The following SRGAP1 variants were observed in gnomAD, a reference collection of about 807,000 sequenced individuals.
SRGAP1 encodes SLIT-ROBO Rho GTPase activating protein 1.
Under a neutral mutation model 121.9 loss-of-function variants are expected in SRGAP1, and 43 were observed. The observed-to-expected ratio is 0.35, with a 90% CI of 0.28 to 0.46. The LOEUF (loss-of-function observed/expected upper bound fraction) is 0.46, where lower values mean the gene tolerates loss of function less well. Among genes scored for constraint, SRGAP1 ranks in the 20% least tolerant of loss-of-function variants. The probability of loss-of-function intolerance (pLI) is 1.00; values close to 1 mark genes in which losing one functional copy is unlikely to be tolerated. For missense variants in SRGAP1, 1,102 were observed against 1,350.9 expected, an observed-to-expected ratio of 0.82 and a Z score of 2.89; for synonymous variants, 447 against 485.4, an observed-to-expected ratio of 0.92 and a Z score of 1.04.
intron 4 of SRGAP1, among the ~76,000 whole-genome samples, chr12:64,036,431 AT>A (rs1487006187): frequency 6.6e-6 from 1 of 152,160 alleles, no homozygotes; most frequent in African/African-American, 2.4e-5. Flanking sequence ...TTATGTATTG[AT>A]TGTAGAAAAT....
chr12:63,884,133 A>C (rs888474879), intron 1 of SRGAP1, among the ~76,000 whole-genome samples: 6 of 151,668 alleles, frequency 4.0e-5, no homozygotes, highest in Non-Finnish European at 7.4e-5. Flanking sequence ...AAATACAAAA[A>C]TTAGCTGGGT....
At chr12:63,890,854 A>T (rs1900555661) in intron 1 of SRGAP1, among the ~76,000 whole-genome samples, 1 of 152,024 alleles carries the variant, frequency 6.6e-6, no homozygotes, top group Non-Finnish European at 1.5e-5. Flanking sequence ...AAATGCCCCC[A>T]TCTCTTGACC....
In SRGAP1 at chr12:64,043,674, T is replaced by C. The variant is rs553634311; in HGVS notation, c.801+99T>C. 1.9e-5 allele frequency: 17 copies of C among 897,652 alleles called. 1 individual carries two copies. The South Asian group carries it at 3.3e-4, about 17-fold the overall frequency. 55.6% of individuals were successfully genotyped at this position (897,652 alleles called of 1,614,324 possible). On this transcript the variant is annotated intron_variant, in intron 6 of 21. Transcript: ENST00000355086. ...ATACTGTCATTTCTTAAGACTGTTA[T>C]TTTACGTAATACTCAAAAAGAAAAA...
chr12:63,910,183 T>C (rs989386890), intron 1 of SRGAP1, among the ~76,000 whole-genome samples: 3 of 152,242 alleles, frequency 2.0e-5, no homozygotes, highest in African/African-American at 7.2e-5. Flanking sequence ...TACAAATGCT[T>C]GCTTGAATGA....
intron 18 of SRGAP1, among the ~76,000 whole-genome samples, chr12:64,119,770 CTT>C (rs997729181): frequency 2.8e-5 from 3 of 107,446 alleles, no homozygotes; most frequent in Admixed American, 9.4e-5. Context: ...TTATTTGTTT[CTT>C]TTTTTTTTTT....
intron 1 of SRGAP1, among the ~76,000 whole-genome samples, chr12:63,856,026 G>C (rs990865332): frequency 1.3e-5 from 2 of 152,028 alleles, no homozygotes; most frequent in Non-Finnish European, 2.9e-5. Context: ...GGGAAGCTGA[G>C]GCAGGTGGAT....
chr12:64,138,250 G>C (rs80200633), intron 21 of SRGAP1, among the ~76,000 whole-genome samples: 3,491 of 151,814 alleles, frequency 0.023, 126 homozygotes, highest in African/African-American at 0.08. Flanking sequence ...ATTTCATTTA[G>C]TGTAATGTCC....
chr12:64,039,532 C>T (rs543217230), intron 4 of SRGAP1, among the ~76,000 whole-genome samples: 5 of 152,074 alleles, frequency 3.3e-5, no homozygotes, highest in East Asian at 1.9e-4. Context: ...CTCAGATACT[C>T]GGGGTGGCCT....
At chr12:63,852,435 C>CT (rs1332787415) in intron 1 of SRGAP1, among the ~76,000 whole-genome samples, 70 of 152,218 alleles carry the variant, frequency 4.6e-4, no homozygotes, top group African/African-American at 1.6e-3. Context: ...GTGCCATGTG[C>CT]TTTTAGAGTG....
chr12:64,028,845 A>G (rs2034710742), intron 4 of SRGAP1, among the ~76,000 whole-genome samples: 2 of 152,218 alleles, frequency 1.3e-5, no homozygotes, highest in Admixed American at 6.5e-5. Context: ...CGTTCAGACC[A>G]TAGCAGATGT....
chr12:64,080,752 G>A (rs1231952663), intron 10 of SRGAP1: 2 of 273,642 alleles, frequency 7.3e-6, no homozygotes, highest in Non-Finnish European at 1.4e-5. Context: ...CCCCACCCCT[G>A]TTTGTTTTAA....
rs1362386033 is a variant in SRGAP1, at chr12:64,147,539, C to T, written c.*4867C>T. On this transcript the variant is annotated 3_prime_UTR_variant, in exon 22 of 22. Transcript: ENST00000355086. ...TGTAGACGTGATTGTGCCTTTCTCA[C>T]CCCTGTGTCCTCCCATCCCACCGCA... 19 of 398,888 alleles carry T rather than the reference C, an allele frequency of 4.8e-5. No individual in the cohort carries two copies. In the East Asian group the frequency reaches 6.8e-4, roughly 14 times the overall value. The allele number at this position is 398,888 out of a possible 1,614,324, so 24.7% of individuals were successfully genotyped here.
At chr12:63,916,661 A>G (rs922010115) in intron 1 of SRGAP1, among the ~76,000 whole-genome samples, 1 of 151,314 alleles carries the variant, frequency 6.6e-6, no homozygotes, top group Non-Finnish European at 1.5e-5. Context: ...GACGGGGAAC[A>G]TTTGAATCAG....
At chr12:64,119,418 A>G (rs1021088747) in intron 18 of SRGAP1, among the ~76,000 whole-genome samples, 5 of 152,200 alleles carry the variant, frequency 3.3e-5, no homozygotes, top group African/African-American at 1.2e-4. Flanking sequence ...CTAAAGCCCA[A>G]CTGGAGTTTT....
intron 1 of SRGAP1, among the ~76,000 whole-genome samples, chr12:63,876,908 T>TA (rs560837664): frequency 1.7e-3 from 266 of 152,302 alleles, no homozygotes; most frequent in South Asian, 2.9e-3. Flanking sequence ...CTTCTCCTCT[T>TA]AAAGCTGCAA....
chr12:64,036,879 A>T (rs1336622575), intron 4 of SRGAP1, among the ~76,000 whole-genome samples: 1 of 152,204 alleles, frequency 6.6e-6, no homozygotes, highest in African/African-American at 2.4e-5. Context: ...AGACAGTTTT[A>T]AGAATCTGAA....
Position 64,144,724 on chromosome 12 carries a change from A to G in SRGAP1, c.*2052A>G, listed in dbSNP as rs1398787304. The G allele has an allele frequency of 1.3e-5, 2 of 150,778 alleles. No homozygotes were observed. The highest frequency in any genetic ancestry group is 4.9e-5 in the African/African-American group (2 of 40,824). 9.3% of individuals were successfully genotyped at this position (150,778 alleles called of 1,614,324 possible). On this transcript the variant is annotated 3_prime_UTR_variant, in exon 22 of 22. Transcript: ENST00000355086. ...TCCTGAGCTTTTGGGGTCCTTCAGC[A>G]CCCTTGGACACCGTGGAGATCCAGC...
intron 1 of SRGAP1, among the ~76,000 whole-genome samples, chr12:63,847,665 G>C (rs941741284): frequency 3.9e-5 from 6 of 151,984 alleles, no homozygotes; most frequent in African/African-American, 1.5e-4. Context: ...AGAATTGCTT[G>C]AACCCGGGAG....
Position 64,157,521 on chromosome 12 carries a change from CT to C in SRGAP1, c.*14852del, listed in dbSNP as rs1056173866. 1 of 152,130 alleles carries C rather than the reference CT, an allele frequency of 6.6e-6. No individual in the cohort carries two copies. Among genetic ancestry groups the C allele is most frequent in the Non-Finnish European group, 1.5e-5 (1 of 68,036 alleles). 9.4% of individuals were successfully genotyped at this position (152,130 alleles called of 1,614,324 possible). On this transcript the variant is annotated 3_prime_UTR_variant, in exon 22 of 22. Transcript: ENST00000355086. Reference sequence around the variant, plus strand: ...CATGTACAAATTTATTAAAAATACTCTTTCAATTCCTTCTCTCTGCCTGACA... The same window carrying C: ...CATGTACAAATTTATTAAAAATACTCTTCAATTCCTTCTCTCTGCCTGACA...
Sources: allele counts gnomAD v4.1 joint callset (sites outside exome capture counted in the v4.1 genomes callset), GRCh38; gene constraint gnomAD v4.1.1; transcripts MANE v1.5; gene names NCBI Gene and HGNC (gene_info 2026-07-23, HGNC 2026-07-21).